The following TMEM132C variants were observed in gnomAD, a reference collection of about 807,000 sequenced individuals.
TMEM132C encodes the protein transmembrane protein 132C.
In TMEM132C, 29 loss-of-function variants were observed where a neutral mutation model predicts 61.4. The observed-to-expected ratio is 0.47, with a 90% CI of 0.35 to 0.64. The LOEUF is 0.64. Ranked by LOEUF, TMEM132C falls within the 30% of genes least tolerant of loss-of-function variation. The probability of loss-of-function intolerance (pLI) is 0.00; values close to 1 mark genes in which losing one functional copy is unlikely to be tolerated. For missense variants in TMEM132C, 1,408 were observed against 1,476.9 expected, an observed-to-expected ratio of 0.95 and a Z score of 0.76; for synonymous variants, 656 against 633.1, an observed-to-expected ratio of 1.04 and a Z score of -0.54.
chr12:128,530,971 C>G (rs1308183203), intron 2 of TMEM132C, among the ~76,000 whole-genome samples: 1 of 152,088 alleles, frequency 6.6e-6, no homozygotes, highest in Non-Finnish European at 1.5e-5. Flanking sequence ...AATGTAACAG[C>G]CAGAACACCA....
intron 4 of TMEM132C, among the ~76,000 whole-genome samples, chr12:128,641,858 G>A (rs1475611685): frequency 2.6e-5 from 4 of 151,974 alleles, no homozygotes; most frequent in East Asian, 1.9e-4. Flanking sequence ...GCAGTGGCAC[G>A]ATCTCGACTC....
At chr12:128,697,068 G>A (rs1332803540) in intron 7 of TMEM132C, among the ~76,000 whole-genome samples, 156 bp from the exon 8 acceptor site, 1 of 152,184 alleles carries the variant, frequency 6.6e-6, no homozygotes, top group Admixed American at 6.5e-5. Flanking sequence ...CGAAGGCATG[G>A]GATGGGCCAG....
intron 1 of TMEM132C, among the ~76,000 whole-genome samples, chr12:128,409,807 G>A (rs958658635): frequency 1.3e-5 from 2 of 152,184 alleles, no homozygotes; most frequent in Admixed American, 1.3e-4. Context: ...ACCCAGTGGA[G>A]AGAGGGTGGC....
intron 5 of TMEM132C, among the ~76,000 whole-genome samples, chr12:128,674,549 G>A (rs1954564232): frequency 6.6e-6 from 1 of 152,074 alleles, no homozygotes. Flanking sequence ...TTCCAAAGTG[G>A]CTATACCATT....
intron 2 of TMEM132C, among the ~76,000 whole-genome samples, chr12:128,456,533 A>G (rs945286916): frequency 6.7e-6 from 1 of 149,852 alleles, no homozygotes; most frequent in African/African-American, 2.5e-5. Flanking sequence ...CAGCCTCCCA[A>G]GTAGCTGGGA....
chr12:128,414,250 A>G (rs1221003115), intron 1 of TMEM132C, among the ~76,000 whole-genome samples: 3 of 152,154 alleles, frequency 2.0e-5, no homozygotes, highest in Non-Finnish European at 4.4e-5. Context: ...AAGAAGAAAA[A>G]AAACAGTCTA....
At chr12:128,686,276 T>G (rs1470361950) in intron 5 of TMEM132C, among the ~76,000 whole-genome samples, 1 of 152,196 alleles carries the variant, frequency 6.6e-6, no homozygotes, top group Non-Finnish European at 1.5e-5. Context: ...AGGCTACACG[T>G]GGTGGTTACC....
intron 3 of TMEM132C, among the ~76,000 whole-genome samples, chr12:128,583,886 G>A (rs989305524): frequency 1.3e-5 from 2 of 152,228 alleles, no homozygotes; most frequent in African/African-American, 2.4e-5. Context: ...TGAATGAGGA[G>A]TCTTCCCCAG....
rs1365963074 is a variant in TMEM132C at position 128,278,110 on chromosome 12, G to A, written c.85+10623G>A. ...CTAAAGCCTGCCAGTTTCTCATGCC[G>A]CAGCTGTATACGGTGACCCTAAAAG... On this transcript the variant is annotated intron_variant, in intron 1 of 8. Coordinates refer to ENST00000435159, the MANE Select transcript of TMEM132C (RefSeq NM_001136103.3). The surrounding 1 kb of genome is among the most constrained non-coding windows in gnomAD (Gnocchi z 4.2). Among the ~76,000 whole-genome samples, 5 of 152,004 alleles carry A rather than the reference G, an allele frequency of 3.3e-5. No individual in the cohort carries two copies. The highest frequency in any genetic ancestry group is 4.8e-5 in the African/African-American group (2 of 41,392).
At chr12:128,594,203 G>A (rs939204256) in intron 3 of TMEM132C, among the ~76,000 whole-genome samples, 6 of 152,178 alleles carry the variant, frequency 3.9e-5, no homozygotes, top group Admixed American at 1.3e-4. Flanking sequence ...CAGACTCTGG[G>A]CAGTGTCCCC....
At chr12:128,628,715 A>G (rs1954041069) in intron 4 of TMEM132C, among the ~76,000 whole-genome samples, 1 of 152,174 alleles carries the variant, frequency 6.6e-6, no homozygotes, top group Non-Finnish European at 1.5e-5. Context: ...GACCCGCCAC[A>G]TCTGCCTGCT....
intron 3 of TMEM132C, among the ~76,000 whole-genome samples, chr12:128,612,499 T>C (rs985048478): frequency 4.6e-5 from 7 of 152,218 alleles, no homozygotes; most frequent in African/African-American, 1.7e-4. Context: ...AGGATCCTGC[T>C]GAGTTGCTGC....
intron 3 of TMEM132C, among the ~76,000 whole-genome samples, chr12:128,588,901 G>A (rs1875647590): frequency 6.6e-6 from 1 of 152,180 alleles, no homozygotes; most frequent in Admixed American, 6.5e-5. Context: ...GATACCTGGT[G>A]TAAGAAGAGA....
chr12:128,374,616 G>A (rs1874130306), intron 1 of TMEM132C, among the ~76,000 whole-genome samples: 1 of 152,028 alleles, frequency 6.6e-6, no homozygotes, highest in African/African-American at 2.4e-5. Context: ...TAGGCTCTGG[G>A]CACCCTGTGG....
intron 4 of TMEM132C, among the ~76,000 whole-genome samples, chr12:128,642,998 G>A (rs548650199): frequency 4.6e-5 from 7 of 152,248 alleles, no homozygotes; most frequent in Admixed American, 2.6e-4. Context: ...TCTGATGCCC[G>A]GGTCTCTTCT....
At position 128,597,577 on chromosome 12, in the gene TMEM132C, A is replaced by G. The variant is rs570342535; in HGVS notation, c.1122-18575A>G. On this transcript the variant is annotated intron_variant, in intron 3 of 8. Transcript: ENST00000435159. ...TAGAACAAAGGAACATAGATTCATT[A>G]TCTTATTATTAACTAATATAGATGT... Among the ~76,000 whole-genome samples, 7 of 152,362 alleles carry G rather than the reference A, an allele frequency of 4.6e-5. No homozygotes were observed. The East Asian group carries it at 1.3e-3, about 29-fold the overall frequency.
intron 2 of TMEM132C, among the ~76,000 whole-genome samples, chr12:128,454,193 G>C (rs1406854096): frequency 6.6e-6 from 1 of 152,108 alleles, no homozygotes; most frequent in Non-Finnish European, 1.5e-5. Flanking sequence ...AATAATAATA[G>C]AAATAACTAT....
chr12:128,595,691 G>A (rs895252816), intron 3 of TMEM132C, among the ~76,000 whole-genome samples: 2 of 152,114 alleles, frequency 1.3e-5, no homozygotes, highest in African/African-American at 4.8e-5. Flanking sequence ...CAGGCAGAGG[G>A]GTCAGCCAGC....
chr12:128,458,159 CATT>C (rs897756908), intron 2 of TMEM132C, among the ~76,000 whole-genome samples: 29 of 148,926 alleles, frequency 1.9e-4, no homozygotes, highest in South Asian at 8.5e-4. Flanking sequence ...TTTTCTGTAT[CATT>C]ATATATAATT....
Sources: allele counts gnomAD v4.1 joint callset (sites outside exome capture counted in the v4.1 genomes callset), GRCh38; gene constraint gnomAD v4.1.1; non-coding constraint Gnocchi (gnomAD v3.1); transcripts MANE v1.5; gene names NCBI Gene and HGNC (gene_info 2026-07-23, HGNC 2026-07-21).